The following ZNF451 variants were observed in gnomAD, a reference collection of about 807,000 sequenced individuals.
ZNF451 encodes the protein E3 SUMO-protein ligase ZNF451.
ZNF451 carries 80 observed loss-of-function variants against 107.1 expected under a neutral mutation model. The observed-to-expected ratio is 0.75, with a 90% CI of 0.62 to 0.90. The LOEUF (loss-of-function observed/expected upper bound fraction) is 0.90. Among genes scored for constraint, ZNF451 ranks in the 40% least tolerant of loss-of-function variants. The probability of loss-of-function intolerance (pLI) is 0.00; values close to 1 mark genes in which losing one functional copy is unlikely to be tolerated. For missense variants in ZNF451, 1,107 were observed against 1,236.2 expected, an observed-to-expected ratio of 0.90 and a Z score of 1.57; for synonymous variants, 362 against 406.5, an observed-to-expected ratio of 0.89 and a Z score of 1.32.
At chr6:57,132,575 C>T (rs1831228722) in intron 5 of ZNF451, among the ~76,000 whole-genome samples, 1 of 152,134 alleles carries the variant, frequency 6.6e-6, no homozygotes, top group South Asian at 2.1e-4. Flanking sequence ...AAAATATTAG[C>T]TGGGCATGGT....
chr6:57,106,373 G>C (rs977834361), intron 3 of ZNF451: 28 of 890,110 alleles, frequency 3.1e-5, no homozygotes, highest in Non-Finnish European at 3.7e-5. Context: ...GCAATGGCAC[G>C]ATCTTGGCTG....
intron 3 of ZNF451, chr6:57,116,044 T>C (rs1830351277): frequency 6.6e-6 from 1 of 152,194 alleles, no homozygotes; most frequent in Non-Finnish European, 1.5e-5. Flanking sequence ...TTACCTTTGT[T>C]AGAAATTAGG....
At chr6:57,103,182 C>T in intron 3 of ZNF451, 1 of 985,336 alleles carries the variant, frequency 1.0e-6, no homozygotes, top group Non-Finnish European at 1.2e-6. Flanking sequence ...AATCTTGTCC[C>T]CTTATTGTAA....
At chr6:57,121,317 G>A (rs1162926703) in intron 3 of ZNF451, among the ~76,000 whole-genome samples, 4 of 152,134 alleles carry the variant, frequency 2.6e-5, no homozygotes, top group African/African-American at 9.7e-5. Context: ...GTTAGTGTCA[G>A]TCCTATGACT....
At chr6:57,093,833 C>T (rs1468888156) in intron 2 of ZNF451, among the ~76,000 whole-genome samples, 3 of 152,268 alleles carry the variant, frequency 2.0e-5, no homozygotes, top group Non-Finnish European at 2.9e-5. Context: ...TGGGAGGAGG[C>T]GGCATGGGCC....
intron 3 of ZNF451, chr6:57,105,535 T>A (rs1053267754): frequency 4.1e-6 from 4 of 985,314 alleles, no homozygotes; most frequent in Non-Finnish European, 4.8e-6. Context: ...CCCTTCTGAA[T>A]GTTAATTTGT....
intron 3 of ZNF451, chr6:57,103,423 TC>T: frequency 1.0e-6 from 1 of 985,380 alleles, no homozygotes; most frequent in Non-Finnish European, 1.2e-6. Flanking sequence ...ATCTTTTTGC[TC>T]CCAATTGGTC....
chr6:57,160,207 T>G lies in ZNF451; in HGVS notation c.3071-877T>G, dbSNP rs75044133. Among the ~76,000 whole-genome samples, 937 of 152,334 alleles carry G rather than the reference T, an allele frequency of 6.2e-3. 9 individuals are homozygous for G. The highest frequency in any genetic ancestry group is 0.037 in the Middle Eastern group (11 of 294). ...TTATGTTAGAGTGATACATTTGTCA[T>G]AATTCACGGAACAATATTAGGACAT... On this transcript the variant is annotated intron_variant, in intron 13 of 14. Coordinates refer to ENST00000370706, the MANE Select transcript of ZNF451 (RefSeq NM_001031623.3).
rs1763271798 is a variant in ZNF451 at position 57,153,968 on chromosome 6, A to G, written c.2991A>G (p.Pro997=). ...ATCAATTTAAGAAGACTCAGAGGCC[A>G]GCTCATATACTAAACCCTCACCACT... ...LENQFKKTQR[P]AHILNPHHLE... is the part of the protein sequence containing the mutation. Residue 997 remains proline, a synonymous_variant, in exon 13 of 15, where the codon CCA becomes CCG. Transcript: ENST00000370706. The G allele has an allele frequency of 6.2e-7, 1 of 1,614,096 alleles. No homozygotes were observed. The highest frequency in any genetic ancestry group is 8.5e-7 in the Non-Finnish European group (1 of 1,180,034).
chr6:57,102,955 A>C (rs752322562), intron 3 of ZNF451: 10 of 985,446 alleles, frequency 1.0e-5, no homozygotes, highest in Non-Finnish European at 1.2e-5. Flanking sequence ...TGTAAGACTG[A>C]GTCATGGTAG....
chr6:57,109,136 C>G (rs1365624664), intron 3 of ZNF451: 2 of 985,366 alleles, frequency 2.0e-6, no homozygotes, highest in African/African-American at 3.5e-5. Flanking sequence ...ACCCTATCCT[C>G]TTAGTTCTCC....
intron 5 of ZNF451, among the ~76,000 whole-genome samples, chr6:57,130,176 A>G (rs1448326549): frequency 1.3e-5 from 2 of 152,200 alleles, no homozygotes; most frequent in African/African-American, 4.8e-5. Flanking sequence ...GAGGTAGGCT[A>G]TAAATATTTG....
Position 57,114,380 on chromosome 6 carries a change from A to G in ZNF451, c.187-10354A>G, listed in dbSNP as rs950662368. Among the ~76,000 whole-genome samples, 4 of 152,082 alleles carry G rather than the reference A, an allele frequency of 2.6e-5. No homozygotes were observed. The East Asian group carries it at 5.8e-4, about 22-fold the overall frequency. ...AATCAGACATGCTTTTAGGAAAACC[A>G]TATATGTAAAAAAATATATACAAAT... On this transcript the variant is annotated intron_variant, in intron 3 of 14. Coordinates refer to ENST00000370706, the MANE Select transcript of ZNF451 (RefSeq NM_001031623.3).
intron 3 of ZNF451, among the ~76,000 whole-genome samples, chr6:57,119,651 C>T (rs71564881): frequency 6.6e-6 from 1 of 152,114 alleles, no homozygotes; most frequent in Non-Finnish European, 1.5e-5. Context: ...CCACTTACCT[C>T]CTCCCCTCCC....
At chr6:57,161,776 C>A (rs1293283022) in intron 14 of ZNF451, among the ~76,000 whole-genome samples, 1 of 152,142 alleles carries the variant, frequency 6.6e-6, no homozygotes, top group Non-Finnish European at 1.5e-5. Context: ...CTCACTGCAA[C>A]CTCTGCCTCC....
chr6:57,122,571 A>G (rs1385139161), intron 3 of ZNF451, among the ~76,000 whole-genome samples: 2 of 152,246 alleles, frequency 1.3e-5, no homozygotes, highest in Non-Finnish European at 2.9e-5. Context: ...AAAGGCCATG[A>G]ACAGACACTT....
intron 2 of ZNF451, among the ~76,000 whole-genome samples, chr6:57,096,425 A>G (rs1472347614): frequency 1.3e-5 from 2 of 150,234 alleles, no homozygotes; most frequent in African/African-American, 4.9e-5. Flanking sequence ...ACCTCAGGCA[A>G]TTCGCCCACC....
chr6:57,111,260 C>CT (rs79811702), intron 3 of ZNF451, among the ~76,000 whole-genome samples: 380 of 141,798 alleles, frequency 2.7e-3, no homozygotes, highest in East Asian at 6.1e-3. Flanking sequence ...ACAGTTCATC[C>CT]TTTTTTTTTT....
Position 57,148,160 on chromosome 6 carries a change from T to C in ZNF451, c.2075T>C (p.Ile692Thr), listed in dbSNP as rs201692867. Reference sequence around the variant, plus strand: ...AGTCATTATGAGGAGCACCACAGCATAGATTATGTATTTGTGTCAGAAAAA... The same window carrying C: ...AGTCATTATGAGGAGCACCACAGCACAGATTATGTATTTGTGTCAGAAAAA... ...FLSHYEEHHSIDYVFVSEKTE... is the reference protein window; with the variant it reads ...FLSHYEEHHSTDYVFVSEKTE... Residue 692 changes from isoleucine (I) to threonine (T), a missense_variant, in exon 10 of 15, where the codon ATA becomes ACA. Ile to Thr is a moderately conservative substitution (Grantham distance 89). Around this residue, in one of 5 missense-constraint regions of ZNF451, gnomAD observed 608 missense variants for 649.2 expected, o/e 0.94. Coordinates refer to ENST00000370706, the MANE Select transcript of ZNF451 (RefSeq NM_001031623.3). 1 of 1,614,086 alleles carries C rather than the reference T, an allele frequency of 6.2e-7. No individual in the cohort carries two copies. Among genetic ancestry groups the C allele is most frequent in the East Asian group, 2.2e-5 (1 of 44,884 alleles).
Sources: allele counts gnomAD v4.1 joint callset (sites outside exome capture counted in the v4.1 genomes callset), GRCh38; gene constraint gnomAD v4.1.1; regional missense constraint gnomAD v4.1.1; transcripts MANE v1.5; gene names NCBI Gene and HGNC (gene_info 2026-07-23, HGNC 2026-07-21).